The following KLF12 variants were observed in gnomAD, a reference collection of about 807,000 sequenced individuals.
The protein encoded by KLF12 is KLF transcription factor 12.
In KLF12, 9 loss-of-function variants were observed where a neutral mutation model predicts 37.8. The ratio of observed to expected loss-of-function variants is 0.24; its 90% confidence interval spans 0.14 to 0.42. The LOEUF is 0.42. KLF12 is among the 10% of genes least tolerant of loss of function. The pLI is 1.00. For synonymous variants in KLF12, 208 were observed against 202.1 expected (o/e 1.03, Z -0.25); for missense variants, 411 against 516.0 (o/e 0.80, Z 1.97).
intron 5 of KLF12, among the ~76,000 whole-genome samples, chr13:73,809,567 TTC>T (rs990144284): frequency 4.4e-4 from 52 of 118,254 alleles, no homozygotes; most frequent in African/African-American, 1.6e-3. Context: ...CTCTCACCAC[TTC>T]TGTCATTTGA....
chr13:74,023,031 G>A (rs1423469077), intron 1 of KLF12, among the ~76,000 whole-genome samples: 2 of 151,426 alleles, frequency 1.3e-5, no homozygotes, highest in Non-Finnish European at 2.9e-5. Flanking sequence ...ATGTGCACCT[G>A]GCTAGTTCTT....
the KLF12 span, among the ~76,000 whole-genome samples, chr13:74,217,172 T>C: frequency 1.8e-4 from 27 of 152,134 alleles, no homozygotes; most frequent in Non-Finnish European, 2.8e-4. Context: ...ATTCTTTTTT[T>C]TGAAGTAAAG....
chr13:73,877,026 AG>A (rs1886740629), intron 3 of KLF12, among the ~76,000 whole-genome samples: 1 of 151,956 alleles, frequency 6.6e-6, no homozygotes, highest in Admixed American at 6.5e-5. Context: ...AAAAAAAAAA[AG>A]AAAAGAAAAG....
At chr13:74,025,796 G>T (rs895014357) in intron 1 of KLF12, among the ~76,000 whole-genome samples, 7 of 152,072 alleles carry the variant, frequency 4.6e-5, no homozygotes. Context: ...TGACTGACTG[G>T]ATGACATTAC....
chr13:73,930,384 C>T (rs1252101603), intron 3 of KLF12, among the ~76,000 whole-genome samples: 1 of 152,130 alleles, frequency 6.6e-6, no homozygotes, highest in Non-Finnish European at 1.5e-5. Context: ...GGATCATTTT[C>T]TAAGACAATG....
intron 1 of KLF12, among the ~76,000 whole-genome samples, chr13:74,119,776 G>A (rs891631844): frequency 1.3e-4 from 19 of 151,982 alleles, no homozygotes; most frequent in African/African-American, 4.6e-4. Flanking sequence ...AAGGGAGGGA[G>A]AGCAATAGAA....
At chr13:74,163,054 A>C in the KLF12 span, among the ~76,000 whole-genome samples, 1 of 152,162 alleles carries the variant, frequency 6.6e-6, no homozygotes, top group South Asian at 2.1e-4. Flanking sequence ...TGAAGGAGAG[A>C]AAAGGGAAGG....
intron 3 of KLF12, among the ~76,000 whole-genome samples, chr13:73,872,352 G>GA (rs561082350): frequency 1.3e-5 from 2 of 152,050 alleles, no homozygotes; most frequent in African/African-American, 4.8e-5. Flanking sequence ...TAAAAGGAAT[G>GA]AAAAAAATCA....
chr13:73,847,735 C>G (rs1365300724), intron 3 of KLF12, among the ~76,000 whole-genome samples: 1 of 151,994 alleles, frequency 6.6e-6, no homozygotes, highest in Non-Finnish European at 1.5e-5. Context: ...AAAATATCTA[C>G]TGTATGAAAT....
At chr13:74,277,421 G>A in the KLF12 span, among the ~76,000 whole-genome samples, 2 of 152,060 alleles carry the variant, frequency 1.3e-5, no homozygotes, top group African/African-American at 4.8e-5. Context: ...GTCTTCCCTG[G>A]TAGTCACGGT....
chr13:73,747,198 C>T (rs1878431583), intron 6 of KLF12, among the ~76,000 whole-genome samples: 1 of 152,020 alleles, frequency 6.6e-6, no homozygotes, highest in Non-Finnish European at 1.5e-5. Context: ...GACTTATAGT[C>T]TAAGAGAGGC....
the KLF12 span, among the ~76,000 whole-genome samples, chr13:74,172,488 C>T: frequency 1.3e-5 from 2 of 152,172 alleles, no homozygotes; most frequent in South Asian, 4.1e-4. Context: ...GAAGTTTGCC[C>T]CATCTTTTGG....
chr13:74,172,694 G>GGA, the KLF12 span, among the ~76,000 whole-genome samples: 1 of 152,104 alleles, frequency 6.6e-6, no homozygotes, highest in Non-Finnish European at 1.5e-5. Context: ...GTGTTTCATT[G>GGA]GCCAGAATGC....
At chr13:73,734,374 G>C (rs1437170863) in intron 6 of KLF12, among the ~76,000 whole-genome samples, 1 of 152,078 alleles carries the variant, frequency 6.6e-6, no homozygotes, top group Non-Finnish European at 1.5e-5. Flanking sequence ...TCAGCAGAAT[G>C]TAAGTTTTAT....
chr13:73,985,384 A>G (rs1433780008), intron 2 of KLF12, among the ~76,000 whole-genome samples: 2 of 152,250 alleles, frequency 1.3e-5, no homozygotes, highest in Non-Finnish European at 2.9e-5. Flanking sequence ...CTCAACTCTC[A>G]GTTAAAAAGG....
chr13:74,112,469 G>C (rs1877040331), intron 1 of KLF12, among the ~76,000 whole-genome samples: 1 of 151,728 alleles, frequency 6.6e-6, no homozygotes, highest in Non-Finnish European at 1.5e-5. Flanking sequence ...GCAATGTTGA[G>C]TCGAGCATGT....
At chr13:74,214,140 A>G in the KLF12 span, among the ~76,000 whole-genome samples, 1 of 152,306 alleles carries the variant, frequency 6.6e-6, no homozygotes, top group Non-Finnish European at 1.5e-5. Context: ...CTAGGTTTAC[A>G]TATCACAAAT....
At chr13:74,192,721 A>T in the KLF12 span, among the ~76,000 whole-genome samples, 1 of 152,236 alleles carries the variant, frequency 6.6e-6, no homozygotes, top group Non-Finnish European at 1.5e-5. Flanking sequence ...AGGAGGCACA[A>T]GTAGAAATTA....
intron 3 of KLF12, among the ~76,000 whole-genome samples, chr13:73,905,788 T>G (rs1888255165): frequency 6.6e-6 from 1 of 152,152 alleles, no homozygotes; most frequent in Non-Finnish European, 1.5e-5. Flanking sequence ...TAAATGTTCA[T>G]GAGGATGGCT....
Sources: gnomAD v4.1 joint callset for allele counts (sites outside exome capture counted in the v4.1 genomes callset) on GRCh38, gnomAD v4.1.1 for gene constraint, MANE v1.5 for transcripts, NCBI Gene and HGNC (gene_info 2026-07-23, HGNC 2026-07-21) for gene names.